TRIM24: variants seen among roughly 807,000 people sequenced by gnomAD.
The protein encoded by TRIM24 is tripartite motif containing 24.
In TRIM24, 29 loss-of-function variants were observed where a neutral mutation model predicts 123.9. That is an observed-to-expected ratio of 0.23 (90% confidence interval 0.17 to 0.32). The LOEUF (loss-of-function observed/expected upper bound fraction) is 0.32. Ranked by LOEUF, TRIM24 falls within the 10% of genes least tolerant of loss-of-function variation. The probability of loss-of-function intolerance (pLI) is 1.00; values close to 1 mark genes in which losing one functional copy is unlikely to be tolerated. For synonymous variants in TRIM24, 456 were observed against 461.1 expected, an observed-to-expected ratio of 0.99 and a Z score of 0.14; for missense variants, 932 against 1,295.3, an observed-to-expected ratio of 0.72 and a Z score of 4.31.
chr7:138,542,465 G>T (rs1797024694), intron 7 of TRIM24, among the ~76,000 whole-genome samples: 1 of 152,196 alleles, frequency 6.6e-6, no homozygotes, highest in African/African-American at 2.4e-5. Flanking sequence ...TCCCAAAACA[G>T]TCACAATATT....
At chr7:138,480,019 A>G (rs1795493371) in intron 1 of TRIM24, among the ~76,000 whole-genome samples, 1 of 151,862 alleles carries the variant, frequency 6.6e-6, no homozygotes, top group African/African-American at 2.4e-5. Context: ...GGGTTTCGCC[A>G]TGTTGGCCAG....
intron 1 of TRIM24, among the ~76,000 whole-genome samples, chr7:138,496,251 T>G (rs1168022201): frequency 2.6e-5 from 4 of 152,196 alleles, no homozygotes; most frequent in Non-Finnish European, 5.9e-5. Flanking sequence ...TCTATTTAGG[T>G]CTTCTTTAAT....
In TRIM24 at chr7:138,567,495, T is replaced by C. The variant is rs1196796227; in HGVS notation, c.1545T>C (p.Arg515=). Residue 515 remains arginine, a synonymous_variant, in exon 10 of 19, where the codon CGT becomes CGC. Coordinates refer to ENST00000343526, the MANE Select transcript of TRIM24 (RefSeq NM_015905.3). Reference sequence around the variant, plus strand: ...CTTTTTTCTAGCAACCGCCTCCACGTTTGATAAACTTTCAGAATCACAGCC... The same window carrying C: ...CTTTTTTCTAGCAACCGCCTCCACGCTTGATAAACTTTCAGAATCACAGCC... ...PSISHQQPPP[R]LINFQNHSPK... 2 of 1,606,334 alleles carry C rather than the reference T, an allele frequency of 1.2e-6. No homozygotes were observed. Among genetic ancestry groups the C allele is most frequent in the Non-Finnish European group, 8.5e-7 (1 of 1,177,512 alleles).
At chr7:138,569,261 A>G (rs1043888984) in intron 10 of TRIM24, among the ~76,000 whole-genome samples, 3 of 152,228 alleles carry the variant, frequency 2.0e-5, no homozygotes, top group African/African-American at 7.2e-5. Flanking sequence ...TTGTATTTTA[A>G]TGAGTAGATA....
intron 10 of TRIM24, among the ~76,000 whole-genome samples, chr7:138,568,093 TTAATA>T (rs1797572076): frequency 6.6e-6 from 1 of 152,112 alleles, no homozygotes; most frequent in Non-Finnish European, 1.5e-5. Flanking sequence ...TAATTCATAT[TTAATA>T]TGATACAGCT....
chr7:138,499,170 G>T (rs1441764825), intron 1 of TRIM24, among the ~76,000 whole-genome samples: 4 of 151,962 alleles, frequency 2.6e-5, no homozygotes, highest in Non-Finnish European at 4.4e-5. Flanking sequence ...TTAGGATTCT[G>T]TCTTGATGAG....
intron 1 of TRIM24, among the ~76,000 whole-genome samples, chr7:138,492,614 T>G (rs1433635793): frequency 1.3e-5 from 2 of 152,192 alleles, no homozygotes; most frequent in Non-Finnish European, 2.9e-5. Context: ...GAGTGCTTGA[T>G]GAAGGGAGAG....
intron 4 of TRIM24, among the ~76,000 whole-genome samples, chr7:138,521,235 A>G (rs1186850301): frequency 2.0e-5 from 3 of 152,186 alleles, no homozygotes. Flanking sequence ...ATGGAGCAAT[A>G]GGTATGAGTA....
At chr7:138,523,617 T>C (rs548951642) in intron 4 of TRIM24, among the ~76,000 whole-genome samples, 2 of 151,766 alleles carry the variant, frequency 1.3e-5, no homozygotes. Context: ...TAGCCAGGCG[T>C]GGTGGTGGGT....
At chr7:138,546,863 A>T (rs1797112103) in intron 7 of TRIM24, among the ~76,000 whole-genome samples, 1 of 152,232 alleles carries the variant, frequency 6.6e-6, no homozygotes, top group Non-Finnish European at 1.5e-5. Flanking sequence ...GTACAACCAT[A>T]GAAAACAGTA....
intron 4 of TRIM24, among the ~76,000 whole-genome samples, chr7:138,522,495 A>G (rs1796524330): frequency 6.6e-6 from 1 of 152,154 alleles, no homozygotes; most frequent in African/African-American, 2.4e-5. Context: ...AAAATACCAT[A>G]TATTTGGAAA....
At chr7:138,551,030 C>T (rs757576192) in intron 7 of TRIM24, 33 bp from the exon 8 acceptor site, 6 of 1,567,312 alleles carry the variant, frequency 3.8e-6, no homozygotes, top group Non-Finnish European at 5.3e-6. Context: ...AATTATTTGC[C>T]TAATATTTAG....
In TRIM24 at chr7:138,586,166, C is replaced by T. The variant is rs567130853; in HGVS notation, c.*1215C>T. ...ATATTCTTAATGTGCCAGACCTACC[C>T]GGTTCAGCTGATATAGATAGATAGA... On this transcript the variant is annotated 3_prime_UTR_variant, in exon 19 of 19. Transcript: ENST00000343526. The T allele has an allele frequency of 7.9e-5, 25 of 316,118 alleles. No individual in the cohort carries two copies. Among genetic ancestry groups the T allele is most frequent in the Non-Finnish European group, 1.2e-4 (19 of 160,102 alleles). The allele number at this position is 316,118 out of a possible 1,614,324, so 19.6% of individuals were successfully genotyped here.
chr7:138,460,355 C>A lies in TRIM24; in HGVS notation c.-194C>A. The A allele has an allele frequency of 4.2e-6, 2 of 476,216 alleles. No individual in the cohort carries two copies. The highest frequency in any genetic ancestry group is 6.7e-6 in the Non-Finnish European group (2 of 298,026). 29.5% of individuals were successfully genotyped at this position (476,216 alleles called of 1,614,324 possible). On this transcript the variant is annotated 5_prime_UTR_variant, in exon 1 of 19. Coordinates refer to ENST00000343526, the MANE Select transcript of TRIM24 (RefSeq NM_015905.3). ...CGCTGACAGATACCCTCCTTCCGGC[C>A]GCGCCACTCGGGAGGCGGATCCCGT...
chr7:138,511,251 C>T (rs1040318905), intron 2 of TRIM24, among the ~76,000 whole-genome samples: 6 of 151,488 alleles, frequency 4.0e-5, no homozygotes, highest in South Asian at 2.1e-4. Context: ...TACATGTGGC[C>T]GGAGCAGGAG....
In TRIM24 at chr7:138,570,820, G is replaced by A; in HGVS notation, c.1705-10G>A. 1.9e-6 allele frequency: 3 copies of A among 1,613,146 alleles called. No individual in the cohort carries two copies. Among genetic ancestry groups the A allele is most frequent in the Non-Finnish European group, 1.7e-6 (2 of 1,179,638 alleles). Reference sequence around the variant, plus strand: ...TGATAGCCTTTGTTCTTCTCTTCTTGTTACTGTAGTGGCAGATCAGCAGTG... The same window carrying A: ...TGATAGCCTTTGTTCTTCTCTTCTTATTACTGTAGTGGCAGATCAGCAGTG... On this transcript the variant is annotated splice_polypyrimidine_tract_variant and intron_variant, in intron 10 of 18. Transcript: ENST00000343526.
At position 138,494,360 on chromosome 7, in the gene TRIM24, C is replaced by T. The variant is rs575492957; in HGVS notation, c.365-9930C>T. Among the ~76,000 whole-genome samples the T allele has an allele frequency of 3.3e-5, 5 of 152,154 alleles. No homozygotes were observed. In the South Asian group the frequency reaches 8.3e-4, roughly 25 times the overall value. ...TCTTGAACAGCTGGCCTCGAGTGAC[C>T]CTCCCGCCTTGGCCTCCCAAAGTGT... is the stretch of plus-strand genomic sequence containing the variant. On this transcript the variant is annotated intron_variant, in intron 1 of 18. Coordinates refer to ENST00000343526, the MANE Select transcript of TRIM24 (RefSeq NM_015905.3).
At chr7:138,531,186 TATGTATAC>T (rs60336200) in intron 6 of TRIM24, among the ~76,000 whole-genome samples, 70,738 of 149,428 alleles carry the variant, frequency 0.47, 17,473 homozygotes, top group Middle Eastern at 0.55. Context: ...CACATATGTA[TATGTATAC>T]ATGTATACAT....
chr7:138,579,660 A>G (rs903156646), intron 15 of TRIM24, 128 bp downstream of exon 15: 1 of 733,684 alleles, frequency 1.4e-6, no homozygotes, highest in Non-Finnish European at 2.2e-6. Context: ...AATCCCAATG[A>G]ATAGTCTAGG....
Sources: gnomAD v4.1 joint callset for allele counts (sites outside exome capture counted in the v4.1 genomes callset) on GRCh38, gnomAD v4.1.1 for gene constraint, MANE v1.5 for transcripts, NCBI Gene and HGNC (gene_info 2026-07-23, HGNC 2026-07-21) for gene names.